ITGAM: variants seen among roughly 807,000 people sequenced by gnomAD.
ITGAM encodes the protein integrin alpha-M.
Under a neutral mutation model 137.5 loss-of-function variants are expected in ITGAM, and 79 were observed. That is an observed-to-expected ratio of 0.57 (90% CI 0.48 to 0.69). ITGAM has a LOEUF of 0.69. Ranked by LOEUF, ITGAM falls within the 30% of genes least tolerant of loss-of-function variation. The pLI is 0.00. For synonymous variants in ITGAM, 583 were observed against 592.3 expected, an observed-to-expected ratio of 0.98 and a Z score of 0.23; for missense variants, 1,343 against 1,483.5, an observed-to-expected ratio of 0.91 and a Z score of 1.56.
chr16:31,264,396 G>A (rs2079740453), intron 2 of ITGAM, among the ~76,000 whole-genome samples: 1 of 152,012 alleles, frequency 6.6e-6, no homozygotes, highest in Admixed American at 6.6e-5. Flanking sequence ...GCAGCAGTGA[G>A]CCGAGATTGC....
At chr16:31,269,705 C>T (rs1480020808) in intron 5 of ITGAM, among the ~76,000 whole-genome samples, 1 of 152,152 alleles carries the variant, frequency 6.6e-6, no homozygotes. Context: ...AGGTCTGTTG[C>T]CACCCCTGGG....
rs747862471 is a variant in ITGAM at position 31,271,804 on chromosome 16, G to A, written c.559-43G>A. Reference sequence around the variant, plus strand: ...GCTTGCTGGGAGATGTCTGAGGGGTGGGGGCACCTTCTCCAGCATCACACC... The same window carrying A: ...GCTTGCTGGGAGATGTCTGAGGGGTAGGGGCACCTTCTCCAGCATCACACC... On this transcript the variant is annotated intron_variant, in intron 6 of 29. Coordinates refer to ENST00000544665, the MANE Select transcript of ITGAM (RefSeq NM_000632.4). 3.7e-6 allele frequency: 6 copies of A among 1,611,182 alleles called. 1 individual carries two copies. In the South Asian group the frequency reaches 5.5e-5, roughly 15 times the overall value.
At chr16:31,312,103 G>A (rs2080339154) in intron 14 of ITGAM, among the ~76,000 whole-genome samples, 1 of 141,168 alleles carries the variant, frequency 7.1e-6, no homozygotes, top group African/African-American at 2.6e-5. Context: ...CATGGACACA[G>A]GAAGGGGAAC....
chr16:31,311,887 A>G (rs1325476048), intron 14 of ITGAM, among the ~76,000 whole-genome samples: 1 of 152,120 alleles, frequency 6.6e-6, no homozygotes, highest in Admixed American at 6.5e-5. Context: ...AACCAACCCA[A>G]ATGTTCAACA....
At chr16:31,264,461 AT>A (rs2079741058) in intron 2 of ITGAM, among the ~76,000 whole-genome samples, 1 of 152,002 alleles carries the variant, frequency 6.6e-6, no homozygotes, top group Non-Finnish European at 1.5e-5. Context: ...AAGAAAGAAA[AT>A]AAATAAAAAT....
intron 5 of ITGAM, among the ~76,000 whole-genome samples, chr16:31,270,369 T>A (rs2079819399): frequency 6.6e-6 from 1 of 151,930 alleles, no homozygotes; most frequent in South Asian, 2.1e-4. Context: ...CCCAAAGTGC[T>A]GGGATTACAG....
Position 31,270,130 on chromosome 16 carries a change from C to CTTTCCTTTCCTT in ITGAM, c.428-823_428-822insTTCCTTTCCTTT, listed in dbSNP as rs770982735. On this transcript the variant is annotated intron_variant, in intron 5 of 29. Coordinates refer to ENST00000544665, the MANE Select transcript of ITGAM (RefSeq NM_000632.4). ...CCTTCCTTCCTTCCTTCCTTCCTTCCTCCTTTGCTTTCCTTTCCTTTCCTT... is the reference window on the plus strand; with the variant it reads ...CCTTCCTTCCTTCCTTCCTTCCTTCCTTTCCTTTCCTTTCCTTTGCTTTCCTTTCCTTTCCTT... 5.7e-3 allele frequency among the ~76,000 whole-genome samples: 513 copies of CTTTCCTTTCCTT among 90,270 alleles called. 9 individuals are homozygous for CTTTCCTTTCCTT. The highest frequency in any genetic ancestry group is 0.014 in the African/African-American group (325 of 23,260). The allele number at this position is 90,270 out of a possible 152,430, so 59.2% of individuals were successfully genotyped here. A position where few individuals can be genotyped will look rare whatever the true frequency, so the allele number is the denominator to read the frequency against.
intron 12 of ITGAM, among the ~76,000 whole-genome samples, chr16:31,287,894 C>T (rs990643630): frequency 3.9e-5 from 6 of 152,044 alleles, no homozygotes; most frequent in African/African-American, 7.2e-5. Flanking sequence ...TCTCTGTTTT[C>T]GGTGTGTGGT....
At chr16:31,299,843 C>T (rs1466151535) in intron 14 of ITGAM, among the ~76,000 whole-genome samples, 1 of 122,144 alleles carries the variant, frequency 8.2e-6, no homozygotes, top group East Asian at 2.2e-4. Flanking sequence ...CGTCGTCCTC[C>T]TCTCCTCCTC....
Position 31,271,884 on chromosome 16 carries a change from A to C in ITGAM, c.596A>C (p.His199Pro), listed in dbSNP as rs375574115. The C allele has an allele frequency of 1.9e-6, 3 of 1,614,018 alleles. No homozygotes were observed. The highest frequency in any genetic ancestry group is 2.5e-6 in the Non-Finnish European group (3 of 1,179,884). Reference sequence around the variant, plus strand: ...CAGTACTCTGAAGAATTCCGGATTCACTTTACCTTCAAAGAGTTCCAGAAC... The same window carrying C: ...CAGTACTCTGAAGAATTCCGGATTCCCTTTACCTTCAAAGAGTTCCAGAAC... Reference protein sequence around the residue: ...LMQYSEEFRIHFTFKEFQNNP... With the variant: ...LMQYSEEFRIPFTFKEFQNNP... Residue 199 changes from histidine (H) to proline (P), a missense_variant, in exon 7 of 30, where the codon CAC becomes CCC. Transcript: ENST00000544665.
chr16:31,331,795 A>G lies in ITGAM; in HGVS notation c.*88A>G. ...GCCCCCAGGCTGCTGGACACGTCGG[A>G]CAGCGAAGTATCCCCGACAGGACGG... On this transcript the variant is annotated 3_prime_UTR_variant, in exon 30 of 30. Coordinates refer to ENST00000544665, the MANE Select transcript of ITGAM (RefSeq NM_000632.4). The G allele has an allele frequency of 9.9e-7, 1 of 1,012,670 alleles. No individual in the cohort carries two copies. The highest frequency in any genetic ancestry group is 1.5e-6 in the Non-Finnish European group (1 of 688,388). 62.7% of individuals were successfully genotyped at this position (1,012,670 alleles called of 1,614,324 possible). A position where few individuals can be genotyped will look rare whatever the true frequency, so the allele number is the denominator to read the frequency against.
intron 12 of ITGAM, among the ~76,000 whole-genome samples, chr16:31,279,936 C>T (rs903641878): frequency 2.0e-5 from 3 of 152,096 alleles, no homozygotes; most frequent in East Asian, 3.9e-4. Context: ...GGAAGGGATC[C>T]AGTTTCAGCT....
At chr16:31,266,188 G>T in intron 5 of ITGAM, 41 bp downstream of exon 5, 2 of 1,393,684 alleles carry the variant, frequency 1.4e-6, no homozygotes, top group South Asian at 2.3e-5. Context: ...CGCAGCAAAA[G>T]ACCAGGGGAG....
chr16:31,281,352 A>C (rs1259391889), intron 12 of ITGAM, among the ~76,000 whole-genome samples: 6 of 152,046 alleles, frequency 3.9e-5, no homozygotes, highest in Admixed American at 2.0e-4. Context: ...CTGGTCCTGG[A>C]CTTTTTTTGG....
In ITGAM at chr16:31,324,503, C is replaced by T. The variant is rs749738443; in HGVS notation, c.2107C>T (p.Gln703Ter). The T allele has an allele frequency of 1.2e-6, 2 of 1,602,936 alleles. No homozygotes were observed. Residue 703 changes from glutamine (Q) to a stop codon, truncating the protein, a stop_gained, in exon 17 of 30, where the codon CAG becomes TAG. Coordinates refer to ENST00000544665, the MANE Select transcript of ITGAM (RefSeq NM_000632.4). LOFTEE classifies it high-confidence loss of function. The surrounding 1 kb of genome is among the most constrained non-coding windows in gnomAD (Gnocchi z 4.5). The part of the protein sequence containing the change: ...ETKNSTRRQT[Q>*]VLGLTQTCET... ...AAAGAACAGCACACGCAGACAGACA[C>T]AGGTCTTGGGGCTGACCCAGACTTG...
At chr16:31,309,921 T>C (rs2050577669) in intron 14 of ITGAM, among the ~76,000 whole-genome samples, 1 of 152,074 alleles carries the variant, frequency 6.6e-6, no homozygotes, top group Non-Finnish European at 1.5e-5. Flanking sequence ...AAGCTTAGTT[T>C]GGCTGGATAT....
At chr16:31,274,061 T>TA (rs1170029558) in intron 8 of ITGAM, among the ~76,000 whole-genome samples, 1 of 152,252 alleles carries the variant, frequency 6.6e-6, no homozygotes, top group Non-Finnish European at 1.5e-5. Flanking sequence ...AGGTTAGCGA[T>TA]AACCAGGTCC....
chr16:31,325,557 G>A lies in ITGAM; in HGVS notation c.2563G>A (p.Val855Met). 6.2e-7 allele frequency: 1 copy of A among 1,613,964 alleles called. No individual in the cohort carries two copies. Among genetic ancestry groups the A allele is most frequent in the Non-Finnish European group, 8.5e-7 (1 of 1,179,886 alleles). Residue 855 changes from valine (V) to methionine (M), a missense_variant, in exon 21 of 30, where the codon GTG becomes ATG. Val to Met is a conservative substitution (Grantham distance 21, BLOSUM62 1). Coordinates refer to ENST00000544665, the MANE Select transcript of ITGAM (RefSeq NM_000632.4). ...CTGTGAGTCTGCCTCCTCCACCGAAGTGTCTGGGGCCTTGAAGAGCACCAG... is the reference window on the plus strand; with the variant it reads ...CTGTGAGTCTGCCTCCTCCACCGAAATGTCTGGGGCCTTGAAGAGCACCAG... ...LACESASSTEVSGALKSTSCS... is the reference protein window; with the variant it reads ...LACESASSTEMSGALKSTSCS...
intron 14 of ITGAM, among the ~76,000 whole-genome samples, chr16:31,302,446 TCTTTCTTCCTTC>T (rs1489470326): frequency 7.4e-5 from 8 of 107,750 alleles, no homozygotes; most frequent in African/African-American, 2.2e-4. Context: ...TTTCTTTCTT[TCTTTCTTCCTTC>T]CTTTCTTTCT....
Sources: gnomAD v4.1 joint callset for allele counts (sites outside exome capture counted in the v4.1 genomes callset) on GRCh38, gnomAD v4.1.1 for gene constraint, Gnocchi (gnomAD v3.1) non-coding constraint, MANE v1.5 for transcripts, NCBI Gene and HGNC (gene_info 2026-07-23, HGNC 2026-07-21) for gene names.